Variants in UBE3C observed in about 807,000 individuals in gnomAD.
UBE3C encodes the protein ubiquitin protein ligase E3C.
In UBE3C, 42 loss-of-function variants were observed where a neutral mutation model predicts 129.4. The observed-to-expected ratio is 0.32, with a 90% CI of 0.25 to 0.42. The LOEUF (loss-of-function observed/expected upper bound fraction) is 0.42, where lower values mean the gene tolerates loss of function less well. Ranked by LOEUF, UBE3C falls within the 10% of genes least tolerant of loss-of-function variation. The probability of loss-of-function intolerance (pLI) is 1.00; values close to 1 mark genes in which losing one functional copy is unlikely to be tolerated. For missense variants in UBE3C, 1,049 were observed against 1,319.1 expected, an observed-to-expected ratio of 0.80 and a Z score of 3.17; for synonymous variants, 510 against 492.4, an observed-to-expected ratio of 1.04 and a Z score of -0.47.
intron 1 of UBE3C, among the ~76,000 whole-genome samples, chr7:157,157,532 T>G (rs2116839536): frequency 6.6e-6 from 1 of 152,046 alleles, no homozygotes; most frequent in East Asian, 1.9e-4. Context: ...GAGGGCAATT[T>G]GGAAATATTC....
chr7:157,211,279 A>G (rs1334706293), intron 13 of UBE3C, among the ~76,000 whole-genome samples: 1 of 152,168 alleles, frequency 6.6e-6, no homozygotes, highest in Admixed American at 6.6e-5. Flanking sequence ...AAAGTAATAA[A>G]GCAACAGCAG....
rs554147092 is a variant in UBE3C, at chr7:157,219,949, G to A, written c.1915-740G>A. ...GGGCCAGCCGGGTGTGGTGGCTCAC[G>A]CCTGTGACCCGGGCACTTTGGGATG... On this transcript the variant is annotated intron_variant, in intron 14 of 22. Transcript: ENST00000348165. 3.0e-4 allele frequency among the ~76,000 whole-genome samples: 45 copies of A among 151,774 alleles called. No individual in the cohort carries two copies. In the South Asian group the frequency reaches 7.3e-3, roughly 25 times the overall value.
intron 1 of UBE3C, among the ~76,000 whole-genome samples, chr7:157,150,018 G>A (rs1355836934): frequency 6.6e-6 from 1 of 152,162 alleles, no homozygotes; most frequent in East Asian, 1.9e-4. Context: ...TGTAATACCT[G>A]CTGTTGCTGA....
chr7:157,215,512 A>G (rs73507518), intron 13 of UBE3C, among the ~76,000 whole-genome samples: 8,579 of 147,926 alleles, frequency 0.058, 592 homozygotes, highest in African/African-American at 0.16. Context: ...ATATTATACA[A>G]TTTATAACTA....
At position 157,184,026 on chromosome 7, in the gene UBE3C, C is replaced by G; in HGVS notation, c.1140C>G (p.Ser380Arg). 1 of 1,613,992 alleles carries G rather than the reference C, an allele frequency of 6.2e-7. No homozygotes were observed. Among genetic ancestry groups the G allele is most frequent in the Non-Finnish European group, 8.5e-7 (1 of 1,179,914 alleles). Reference protein sequence around the residue: ...EESEEADKPSSPEDGRLSVSY... With the variant: ...EESEEADKPSRPEDGRLSVSY... ...GTGAAGAAGCCGACAAGCCCTCAAG[C>G]CCGGTAAGCCCCGTGCCCTGCATCT... Residue 380 changes from serine (S) to arginine (R), a missense_variant, in exon 9 of 23, where the codon AGC becomes AGG. Coordinates refer to ENST00000348165, the MANE Select transcript of UBE3C (RefSeq NM_014671.3).
chr7:157,249,106 C>T (rs1296697082), intron 19 of UBE3C, among the ~76,000 whole-genome samples: 1 of 152,108 alleles, frequency 6.6e-6, no homozygotes, highest in East Asian at 1.9e-4. Context: ...ACTCACATAC[C>T]ATAAAATCTG....
chr7:157,207,519 A>G lies in UBE3C; in HGVS notation c.1540A>G (p.Ile514Val). 12 of 1,612,998 alleles carry G rather than the reference A, an allele frequency of 7.4e-6. No homozygotes were observed. Among genetic ancestry groups the G allele is most frequent in the Non-Finnish European group, 1.0e-5 (12 of 1,179,814 alleles). The change falls in exon 12 of 23, where the codon ATA (isoleucine) becomes GTA (valine). Residue 514 changes from isoleucine to valine, a missense_variant. By Grantham distance (29) the Ile-to-Val change is conservative. Transcript: ENST00000348165. ...CTTGTTTAGTCATTCACTAATTTCC[A>G]TACATGATAACGAATTCTTCGGTGA... The part of the protein sequence containing the change: ...SSLFSHSLIS[I>V]HDNEFFGDPI...
chr7:157,179,267 C>T (rs1808607265), intron 6 of UBE3C, among the ~76,000 whole-genome samples: 1 of 151,774 alleles, frequency 6.6e-6, no homozygotes, highest in Non-Finnish European at 1.5e-5. Flanking sequence ...ACTCCAAGAG[C>T]CTTATGAAAA....
intron 5 of UBE3C, 60 bp downstream of exon 5, chr7:157,175,094 A>G: frequency 8.9e-7 from 1 of 1,122,528 alleles, no homozygotes; most frequent in Admixed American, 3.0e-5. Context: ...GTCTAGGGGA[A>G]CACCTTTTGA....
At chr7:157,241,656 A>G (rs1228735316) in intron 18 of UBE3C, among the ~76,000 whole-genome samples, 2 of 152,262 alleles carry the variant, frequency 1.3e-5, no homozygotes, top group Admixed American at 6.5e-5. Context: ...CAGTTCCTCA[A>G]AAGGTTAATT....
intron 18 of UBE3C, among the ~76,000 whole-genome samples, chr7:157,236,248 T>TA (rs79555992): frequency 0.18 from 27,658 of 152,166 alleles, 2,755 homozygotes; most frequent in East Asian, 0.39. Context: ...AACTTTTTTT[T>TA]ACAGATAGAA....
At chr7:157,166,732 CAA>C (rs35054342) in intron 2 of UBE3C, among the ~76,000 whole-genome samples, 4,306 of 113,614 alleles carry the variant, frequency 0.038, 178 homozygotes, top group African/African-American at 0.11. Context: ...AACTCCGTCT[CAA>C]AAAAAAAAAA....
chr7:157,155,579 G>A (rs1041541281), intron 1 of UBE3C, among the ~76,000 whole-genome samples: 3 of 152,104 alleles, frequency 2.0e-5, no homozygotes, highest in East Asian at 1.9e-4. Flanking sequence ...TATTCTGAGG[G>A]TTTAATGAAA....
At chr7:157,140,388 G>T (rs75613129) in intron 1 of UBE3C, among the ~76,000 whole-genome samples, 9,940 of 152,250 alleles carry the variant, frequency 0.065, 464 homozygotes, top group Non-Finnish European at 0.098. Flanking sequence ...AGTTGGGAGA[G>T]AAGTGTGCTG....
intron 17 of UBE3C, among the ~76,000 whole-genome samples, chr7:157,228,843 A>G (rs1194154377): frequency 3.9e-5 from 6 of 152,340 alleles, no homozygotes; most frequent in Non-Finnish European, 7.3e-5. Flanking sequence ...GACACATATC[A>G]TAGACTATTT....
chr7:157,172,059 T>G (rs1305759675), intron 4 of UBE3C, among the ~76,000 whole-genome samples: 2 of 151,168 alleles, frequency 1.3e-5, no homozygotes, highest in East Asian at 3.9e-4. Context: ...GACGGAGTCT[T>G]GCTCACTCTG....
At position 157,181,636 on chromosome 7, in the gene UBE3C, GC is replaced by G. The variant is rs749029350; in HGVS notation, c.736del (p.His246ThrfsTer53). 5 of 1,613,546 alleles carry G rather than the reference GC, an allele frequency of 3.1e-6. No homozygotes were observed. The highest frequency in any genetic ancestry group is 4.2e-6 in the Non-Finnish European group (5 of 1,179,866). On this transcript the variant is annotated frameshift_variant, in exon 7 of 23. Transcript: ENST00000348165. LOFTEE classifies it high-confidence loss of function. ...ILLENVLKPL[H>X]FTYNSCPEGA... ...TGCTAGAGAATGTTCTAAAACCATT[GC>G]ACTTTACTTACAACTCCTGTCCGGA...
At chr7:157,154,406 C>T (rs1380198741) in intron 1 of UBE3C, among the ~76,000 whole-genome samples, 3 of 152,144 alleles carry the variant, frequency 2.0e-5, no homozygotes, top group South Asian at 2.1e-4. Context: ...CCATTATTTT[C>T]TCAGTATCCT....
chr7:157,255,688 T>C (rs2116697546), intron 21 of UBE3C, among the ~76,000 whole-genome samples: 1 of 152,330 alleles, frequency 6.6e-6, no homozygotes. Flanking sequence ...TGGTGCCAAT[T>C]AATGCACTTA....
Sources: gnomAD v4.1 joint callset for allele counts (sites outside exome capture counted in the v4.1 genomes callset) on GRCh38, gnomAD v4.1.1 for gene constraint, MANE v1.5 for transcripts, NCBI Gene and HGNC (gene_info 2026-07-23, HGNC 2026-07-21) for gene names.